The following SLC25A43 variants were observed in gnomAD, a reference collection of about 807,000 sequenced individuals.
The protein encoded by SLC25A43 is solute carrier family 25, member 43.
In SLC25A43, 10 loss-of-function variants were observed where a neutral mutation model predicts 22.8. That is an observed-to-expected ratio of 0.44 (90% CI 0.27 to 0.74). SLC25A43 has a LOEUF of 0.74. Among genes scored for constraint, SLC25A43 ranks in the 30% least tolerant of loss-of-function variants. SLC25A43 has a pLI of 0.17. For missense variants in SLC25A43, 233 were observed against 279.1 expected (o/e 0.83, Z 1.18); for synonymous variants, 106 against 121.6 (o/e 0.87, Z 0.84).
chrX:119,420,845 G>A (rs965975018), intron 3 of SLC25A43, among the ~76,000 whole-genome samples: 1 of 112,144 alleles, frequency 8.9e-6, no homozygotes, highest in Non-Finnish European at 1.9e-5. Flanking sequence ...GGTGGCCCAC[G>A]TCTGTAATCC....
At chrX:119,443,271 CA>C (rs1250297933) in intron 3 of SLC25A43, among the ~76,000 whole-genome samples, 1 of 108,734 alleles carries the variant, frequency 9.2e-6, no homozygotes, top group Non-Finnish European at 1.9e-5. Context: ...AGGCATCTGC[CA>C]CCATGCCCGG....
In SLC25A43 at chrX:119,405,963, C is replaced by T. The variant is rs903499834; in HGVS notation, c.276-497C>T. ...ATGAGAATTGCTTGAACCTGGGGAA[C>T]GGAAGTTGAAGTGAGCCGAGATCGT... is the stretch of plus-strand genomic sequence containing the variant. On this transcript the variant is annotated intron_variant, in intron 1 of 4. Transcript: ENST00000217909. Among the ~76,000 whole-genome samples, 9 of 110,889 alleles carry T rather than the reference C, an allele frequency of 8.1e-5. No homozygotes were observed. In the South Asian group the frequency reaches 1.5e-3, roughly 19 times the overall value.
At chrX:119,410,564 T>C (rs2052340812) in intron 3 of SLC25A43, among the ~76,000 whole-genome samples, 2 of 111,925 alleles carry the variant, frequency 1.8e-5, no homozygotes, top group African/African-American at 6.5e-5. Flanking sequence ...GGCTGCCTCC[T>C]CATTCCCATC....
chrX:119,399,791 C>A (rs1046372298), intron 1 of SLC25A43, 113 bp downstream of exon 1: 3 of 849,715 alleles, frequency 3.5e-6, no homozygotes, highest in Non-Finnish European at 4.5e-6. Context: ...TAGGGACGGC[C>A]CCCTTGTCGA....
intron 3 of SLC25A43, among the ~76,000 whole-genome samples, chrX:119,411,500 CA>C (rs776366223): frequency 0.034 from 1,780 of 52,458 alleles, 15 homozygotes; most frequent in Non-Finnish European, 0.048. Flanking sequence ...AACTCTGTCT[CA>C]AAAAAAAAAA....
intron 3 of SLC25A43, among the ~76,000 whole-genome samples, chrX:119,451,306 TGAAGCC>T (rs775302835): frequency 3.6e-5 from 4 of 112,125 alleles, no homozygotes; most frequent in Non-Finnish European, 7.5e-5. Flanking sequence ...TGAGGATCAC[TGAAGCC>T]GAAGGCCAGA....
chrX:119,405,595 C>CAAAAAAA (rs56389948), intron 1 of SLC25A43, among the ~76,000 whole-genome samples: 1 of 51,163 alleles, frequency 2.0e-5, no homozygotes, highest in African/African-American at 7.6e-5. Context: ...CCTATCTCTA[C>CAAAAAAA]AAAAAAAAAA....
chrX:119,402,912 T>C (rs2052251213), intron 1 of SLC25A43, among the ~76,000 whole-genome samples: 1 of 111,649 alleles, frequency 9.0e-6, no homozygotes, highest in Admixed American at 9.5e-5. Context: ...AAAAAGGACT[T>C]CCTATGGTTC....
chrX:119,410,190 G>A lies in SLC25A43; in HGVS notation c.518G>A (p.Gly173Asp). The A allele has an allele frequency of 8.3e-7, 1 of 1,209,711 alleles. No homozygotes were observed. Among genetic ancestry groups the A allele is most frequent in the African/African-American group, 1.7e-5 (1 of 57,519 alleles). ...LYRGVSLTVV[G>D]ALPFSAGSLL... is the part of the protein sequence containing the mutation. ...GCTTCTCCCTGGCCTTGTTTTGCAGGTGCTCTCCCGTTCTCTGCTGGCTCC... is the reference window on the plus strand; with the variant it reads ...GCTTCTCCCTGGCCTTGTTTTGCAGATGCTCTCCCGTTCTCTGCTGGCTCC... Residue 173 changes from glycine (G) to aspartate (D), a missense_variant and splice_region_variant, in exon 3 of 5, where the codon GGT becomes GAT. Coordinates refer to ENST00000217909, the MANE Select transcript of SLC25A43 (RefSeq NM_145305.3).
chrX:119,450,091 C>T (rs1243880567), intron 3 of SLC25A43, among the ~76,000 whole-genome samples: 1 of 111,635 alleles, frequency 9.0e-6, no homozygotes, highest in East Asian at 2.8e-4. Context: ...GCCCAGTAGG[C>T]AGTTAGGTGC....
At chrX:119,419,471 G>A (rs1339994371) in intron 3 of SLC25A43, among the ~76,000 whole-genome samples, 1 of 111,390 alleles carries the variant, frequency 9.0e-6, no homozygotes, top group African/African-American at 3.3e-5. Context: ...AGAGGCCCCA[G>A]CCTACTCAAA....
At chrX:119,444,097 G>A (rs2052645833) in intron 3 of SLC25A43, among the ~76,000 whole-genome samples, 1 of 111,256 alleles carries the variant, frequency 9.0e-6, no homozygotes, top group African/African-American at 3.3e-5. Context: ...CTTTGAGCTG[G>A]ATTAATGAGG....
At chrX:119,448,929 G>T (rs1461253325) in intron 3 of SLC25A43, among the ~76,000 whole-genome samples, 1 of 111,249 alleles carries the variant, frequency 9.0e-6, no homozygotes, top group Non-Finnish European at 1.9e-5. Flanking sequence ...GAGATAATGG[G>T]AGTATAAAAA....
chrX:119,407,962 T>C (rs56054648), intron 2 of SLC25A43, among the ~76,000 whole-genome samples: 12,698 of 110,880 alleles, frequency 0.11, 591 homozygotes, highest in African/African-American at 0.14. Flanking sequence ...CCACAGACTC[T>C]GGCTCCTACC....
At position 119,453,041 on chromosome X, in the gene SLC25A43, G is replaced by A. The variant is rs147613758; in HGVS notation, c.1002G>A (p.Pro334=). 3.8e-5 allele frequency: 46 copies of A among 1,208,508 alleles called. 1 individual carries two copies. In the African/African-American group the frequency reaches 6.0e-4, roughly 16 times the overall value. ...AGAAGTTCTTCAAAACGAGAAAACC[G>A]AAGCCTAAAAAACCAACTCTATAAA... ...ELKKFFKTRK[P]KPKKPTL Residue 334 remains proline, a synonymous_variant, in exon 5 of 5, where the codon CCG becomes CCA. Coordinates refer to ENST00000217909, the MANE Select transcript of SLC25A43 (RefSeq NM_145305.3).
intron 1 of SLC25A43, among the ~76,000 whole-genome samples, chrX:119,403,324 C>T (rs1338549449): frequency 1.8e-5 from 2 of 108,701 alleles, no homozygotes; most frequent in East Asian, 2.9e-4. Flanking sequence ...AAGTATTGCT[C>T]TGTCGCCCAA....
intron 3 of SLC25A43, among the ~76,000 whole-genome samples, chrX:119,413,823 T>A (rs1449437566): frequency 8.9e-6 from 1 of 111,917 alleles, no homozygotes. Flanking sequence ...GTGCCAAAAA[T>A]ATGTAACAAT....
At position 119,425,064 on chromosome X, in the gene SLC25A43, GAA is replaced by G. The variant is rs11349424; in HGVS notation, c.690+14713_690+14714del. Among the ~76,000 whole-genome samples, 640 of 106,638 alleles carry G rather than the reference GAA, an allele frequency of 6.0e-3. 7 individuals carry two copies. Among genetic ancestry groups the G allele is most frequent in the African/African-American group, 0.021 (606 of 29,349 alleles). 92.6% of individuals were successfully genotyped at this position (106,638 alleles called of 115,157 possible). On this transcript the variant is annotated intron_variant, in intron 3 of 4. Transcript: ENST00000217909. ...AATGGTTAACTCAAGTTAGAGAGAG[GAA>G]AAAAAAAAAATCTTTGGAAAACTGG...
At chrX:119,417,194 G>A (rs984217605) in intron 3 of SLC25A43, among the ~76,000 whole-genome samples, 10 of 109,555 alleles carry the variant, frequency 9.1e-5, no homozygotes, top group Admixed American at 4.9e-4. Context: ...GAGGCGGGTG[G>A]ATCACCTGAG....
Sources: allele counts gnomAD v4.1 joint callset (sites outside exome capture counted in the v4.1 genomes callset), GRCh38; gene constraint gnomAD v4.1.1; transcripts MANE v1.5; gene names NCBI Gene and HGNC (gene_info 2026-07-23, HGNC 2026-07-21).